The following FTO variants were observed in gnomAD, a reference collection of about 807,000 sequenced individuals.
The protein encoded by FTO is alpha-ketoglutarate-dependent dioxygenase FTO.
A neutral mutation model predicts 63.9 loss-of-function variants in FTO; 47 were observed. That is an observed-to-expected ratio of 0.74 (90% confidence interval 0.58 to 0.94). FTO has a LOEUF of 0.94. Ranked by LOEUF, FTO falls within the 40% of genes least tolerant of loss-of-function variation. The pLI is 0.00. For synonymous variants in FTO, 207 were observed against 224.4 expected (o/e 0.92, Z 0.69); for missense variants, 562 against 618.1 (o/e 0.91, Z 0.96).
intron 3 of FTO, among the ~76,000 whole-genome samples, chr16:53,832,752 A>C (rs2079177137): frequency 1.3e-5 from 2 of 152,200 alleles, no homozygotes; most frequent in African/African-American, 4.8e-5. Context: ...ACATAAAATT[A>C]ATCATTATAA....
At chr16:54,081,713 G>A (rs1324731508) in intron 8 of FTO, among the ~76,000 whole-genome samples, 1 of 152,156 alleles carries the variant, frequency 6.6e-6, no homozygotes, top group African/African-American at 2.4e-5. Context: ...AAAATGAACA[G>A]CCTCACCGAA....
At chr16:54,067,172 TAAA>T (rs5816921) in intron 8 of FTO, among the ~76,000 whole-genome samples, 1 of 148,242 alleles carries the variant, frequency 6.7e-6, no homozygotes, top group African/African-American at 2.5e-5. Context: ...TGAATAGACT[TAAA>T]AAAAAAAACT....
intron 8 of FTO, among the ~76,000 whole-genome samples, chr16:54,092,637 G>T (rs151325817): frequency 6.6e-6 from 1 of 152,058 alleles, no homozygotes. Flanking sequence ...AGACCCACTC[G>T]CTGCCTCCCC....
At chr16:53,892,885 T>A (rs1343019999) in intron 7 of FTO, among the ~76,000 whole-genome samples, 2 of 152,206 alleles carry the variant, frequency 1.3e-5, no homozygotes, top group Admixed American at 6.5e-5. Flanking sequence ...GAAATCGCTT[T>A]TCTTCCATTA....
chr16:53,755,691 C>T (rs1189007769), intron 1 of FTO, among the ~76,000 whole-genome samples: 7 of 152,178 alleles, frequency 4.6e-5, no homozygotes, highest in Admixed American at 4.6e-4. Context: ...TCCCCAGCCT[C>T]CCCTGCAACG....
At chr16:54,088,113 CA>C (rs1413015749) in intron 8 of FTO, among the ~76,000 whole-genome samples, 1 of 152,148 alleles carries the variant, frequency 6.6e-6, no homozygotes, top group Non-Finnish European at 1.5e-5. Flanking sequence ...CCACTGCTTC[CA>C]AACATAGACC....
At chr16:54,018,444 A>C (rs548572972) in intron 8 of FTO, among the ~76,000 whole-genome samples, 3 of 152,190 alleles carry the variant, frequency 2.0e-5, no homozygotes, top group Admixed American at 6.5e-5. Flanking sequence ...ATACATACAT[A>C]CATACATTCA....
intron 4 of FTO, among the ~76,000 whole-genome samples, chr16:53,847,251 C>T (rs1202741165): frequency 1.7e-4 from 26 of 152,198 alleles, no homozygotes; most frequent in Non-Finnish European, 1.5e-5. Context: ...CATCCCATGT[C>T]AGGCCAGCCC....
At chr16:54,027,946 A>G (rs542777242) in intron 8 of FTO, among the ~76,000 whole-genome samples, 2 of 152,220 alleles carry the variant, frequency 1.3e-5, no homozygotes, top group African/African-American at 4.8e-5. Context: ...TATCCTTCTC[A>G]ATGTGCAATA....
intron 1 of FTO, among the ~76,000 whole-genome samples, chr16:53,752,204 A>G (rs547021821): frequency 1.3e-5 from 2 of 152,236 alleles, no homozygotes; most frequent in African/African-American, 4.8e-5. Flanking sequence ...GGTGTAGAAT[A>G]CTGTTACTAT....
chr16:53,750,457 T>C (rs1291025533), intron 1 of FTO, among the ~76,000 whole-genome samples: 2 of 152,080 alleles, frequency 1.3e-5, no homozygotes, highest in African/African-American at 4.8e-5. Context: ...CAGGCTGTTC[T>C]CAAACTCCTG....
chr16:54,010,996 G>C (rs1334437914), intron 8 of FTO, among the ~76,000 whole-genome samples: 2 of 152,144 alleles, frequency 1.3e-5, no homozygotes, highest in African/African-American at 2.4e-5. Context: ...TAGCCTTCTG[G>C]AGGGGAGGGG....
chr16:54,057,430 A>G (rs1189334154), intron 8 of FTO, among the ~76,000 whole-genome samples: 1 of 152,070 alleles, frequency 6.6e-6, no homozygotes, highest in Non-Finnish European at 1.5e-5. Flanking sequence ...TTAACACCCT[A>G]TTACCTATGG....
chr16:53,845,510 G>T (rs2079594351), intron 4 of FTO, among the ~76,000 whole-genome samples: 1 of 152,050 alleles, frequency 6.6e-6, no homozygotes, highest in Non-Finnish European at 1.5e-5. Flanking sequence ...TCAAGGTTTT[G>T]GTCACAATCA....
chr16:53,817,268 T>C (rs994104195), intron 2 of FTO, among the ~76,000 whole-genome samples: 1 of 152,232 alleles, frequency 6.6e-6, no homozygotes, highest in Non-Finnish European at 1.5e-5. Flanking sequence ...TTGTGATAGC[T>C]GTGGCAGAGT....
chr16:53,746,489 G>C (rs895813148), intron 1 of FTO, among the ~76,000 whole-genome samples: 5 of 152,298 alleles, frequency 3.3e-5, no homozygotes, highest in South Asian at 2.1e-4. Flanking sequence ...AGAGGGATTA[G>C]TACAGGAATA....
chr16:53,821,241 T>C lies in FTO; in HGVS notation c.124-4623T>C, dbSNP rs147399479. 1.4e-3 allele frequency among the ~76,000 whole-genome samples: 207 copies of C among 152,260 alleles called. 7 individuals carry two copies. The South Asian group carries it at 0.026, about 19-fold the overall frequency. ...TGTTCAGAAACAGAGTTCTTGGGAA[T>C]TACCATACTTTTCTTTATTGTTTTA... On this transcript the variant is annotated intron_variant, in intron 2 of 8. Coordinates refer to ENST00000471389, the MANE Select transcript of FTO (RefSeq NM_001080432.3).
At chr16:53,906,609 A>G (rs1185530402) in intron 7 of FTO, among the ~76,000 whole-genome samples, 5 of 152,214 alleles carry the variant, frequency 3.3e-5, no homozygotes, top group Admixed American at 6.5e-5. Flanking sequence ...TCCGATTTCA[A>G]AGCTTCACAG....
intron 1 of FTO, among the ~76,000 whole-genome samples, chr16:53,714,719 T>C (rs1367575755): frequency 6.6e-6 from 1 of 152,182 alleles, no homozygotes; most frequent in African/African-American, 2.4e-5. Context: ...GGTAACACTA[T>C]TAATGAGACA....
Sources: gnomAD v4.1 joint callset for allele counts (sites outside exome capture counted in the v4.1 genomes callset) on GRCh38, gnomAD v4.1.1 for gene constraint, MANE v1.5 for transcripts, NCBI Gene and HGNC (gene_info 2026-07-23, HGNC 2026-07-21) for gene names.